Variants in C2orf92 observed in about 807,000 individuals in gnomAD.
C2orf92 encodes uncharacterized protein C2orf92.
chr2:97,670,182 A>C (rs983699858), intron 1 of C2orf92: 1 of 176,992 alleles, frequency 5.6e-6, no homozygotes, highest in South Asian at 2.0e-4. Flanking sequence ...ATCTATATAT[A>C]TGCACTATTT....
chr2:97,683,949 C>T (rs1675866530), intron 3 of C2orf92, among the ~76,000 whole-genome samples: 1 of 151,782 alleles, frequency 6.6e-6, no homozygotes, highest in Non-Finnish European at 1.5e-5. Context: ...ACTGCAAGCT[C>T]CGCCTCCTGG....
rs567208278 is a variant in C2orf92, at chr2:97,673,447, A to G, written c.47-1009A>G. ...GCTGTTTCCAGGTGTCTTGCATGTCACACACTGGCCTACCAGGGCTGGAGT... is the reference window on the plus strand; with the variant it reads ...GCTGTTTCCAGGTGTCTTGCATGTCGCACACTGGCCTACCAGGGCTGGAGT... On this transcript the variant is annotated intron_variant, in intron 1 of 7. Transcript: ENST00000627399. Among the ~76,000 whole-genome samples, 5 of 152,252 alleles carry G rather than the reference A, an allele frequency of 3.3e-5. No individual in the cohort carries two copies. The East Asian group carries it at 9.6e-4, about 29-fold the overall frequency.
At chr2:97,669,485 C>CT (rs1038928895), upstream of C2orf92, 1 of 273,060 alleles carries the variant, frequency 3.7e-6, no homozygotes, top group Non-Finnish European at 6.8e-6. Context: ...AGTTTTATCA[C>CT]TTGTGACTTC....
intron 1 of C2orf92, chr2:97,671,857 C>T (rs934646304): frequency 4.9e-5 from 10 of 205,340 alleles, no homozygotes; most frequent in East Asian, 1.0e-4. Context: ...AGCATGAAAA[C>T]CCCTGGGGCA....
chr2:97,695,736 C>CTTTCTTTTCTTTTCTTTTCT (rs372334285), intron 5 of C2orf92, among the ~76,000 whole-genome samples: 24 of 151,398 alleles, frequency 1.6e-4, no homozygotes, highest in African/African-American at 5.1e-4. Flanking sequence ...CTTTTATTTT[C>CTTTCTTTTCTTTTCTTTTCT]TTTCTTTTCT....
At chr2:97,665,109 G>A (rs1675163813), upstream of C2orf92, among the ~76,000 whole-genome samples, 1 of 152,180 alleles carries the variant, frequency 6.6e-6, no homozygotes, top group Non-Finnish European at 1.5e-5. Flanking sequence ...AAGATTATTG[G>A]GTGTGGAATT....
intron 3 of C2orf92, among the ~76,000 whole-genome samples, chr2:97,683,547 A>AG (rs1376058951): frequency 6.6e-6 from 1 of 151,802 alleles, no homozygotes; most frequent in Admixed American, 6.6e-5. Context: ...TTAAAAAAAA[A>AG]AAAAAAAGAT....
chr2:97,669,979 G>T lies in C2orf92; in HGVS notation c.46+145G>T, dbSNP rs143724421. On this transcript the variant is annotated intron_variant, in intron 1 of 7. Transcript: ENST00000627399. ...ATACCTCCCCAAATCTGCCATTCAG[G>T]GTTTATTACTTGGGGGAAGGGAGTA... 1.0e-4 allele frequency: 41 copies of T among 396,376 alleles called. 1 individual carries two copies. In the East Asian group the frequency reaches 1.5e-3, roughly 14 times the overall value. 24.6% of individuals were successfully genotyped at this position (396,376 alleles called of 1,614,324 possible). A position where few individuals can be genotyped will look rare whatever the true frequency, so the allele number is the denominator to read the frequency against.
intron 5 of C2orf92, among the ~76,000 whole-genome samples, chr2:97,698,616 G>C (rs993657037): frequency 6.6e-6 from 1 of 152,168 alleles, no homozygotes; most frequent in Admixed American, 6.5e-5. Flanking sequence ...CTGGGGCTTA[G>C]AGAGGTTCTC....
chr2:97,665,283 C>T (rs1362059412), upstream of C2orf92, among the ~76,000 whole-genome samples: 1 of 152,088 alleles, frequency 6.6e-6, no homozygotes, highest in Non-Finnish European at 1.5e-5. Flanking sequence ...AGCGGGTGTG[C>T]AGAAATCACA....
intron 3 of C2orf92, among the ~76,000 whole-genome samples, chr2:97,683,058 T>C (rs900321279): frequency 6.1e-5 from 9 of 147,584 alleles, no homozygotes; most frequent in Non-Finnish European, 1.3e-4. Context: ...ATCTTATATG[T>C]TGAAAACCAT....
At chr2:97,694,011 A>C (rs1223527152) in intron 5 of C2orf92, among the ~76,000 whole-genome samples, 23 of 152,156 alleles carry the variant, frequency 1.5e-4, no homozygotes. Flanking sequence ...ATTCATCTCC[A>C]GAACTCTTTT....
At chr2:97,674,626 G>A (rs1675516844) in intron 2 of C2orf92, 69 bp downstream of exon 2, 1 of 397,846 alleles carries the variant, frequency 2.5e-6, no homozygotes, top group East Asian at 3.6e-5. Context: ...TCAAATATGC[G>A]ATGCTAGCAT....
rs148322590 is a variant in C2orf92 at position 97,700,629 on chromosome 2, C to T, written c.515-525C>T. The stretch of plus-strand genomic sequence containing the variant: ...ACCCCCCAAAATCATCCCATCTTAT[C>T]GCCAAATAGCAGATGAATGCATATG... On this transcript the variant is annotated intron_variant, in intron 6 of 7. Coordinates refer to ENST00000627399, the MANE Select transcript of C2orf92 (RefSeq NM_001351368.2). Among the ~76,000 whole-genome samples, 29 of 152,248 alleles carry T rather than the reference C, an allele frequency of 1.9e-4. No individual in the cohort carries two copies. The East Asian group carries it at 5.6e-3, about 29-fold the overall frequency.
upstream of C2orf92, among the ~76,000 whole-genome samples, chr2:97,666,492 G>A (rs546726158): frequency 2.1e-5 from 3 of 144,010 alleles, no homozygotes; most frequent in African/African-American, 5.2e-5. Context: ...AGCCGAGATC[G>A]CGCCACCAGC....
chr2:97,669,956 A>T (rs898542021), intron 1 of C2orf92, 122 bp downstream of exon 1: 1 of 396,260 alleles, frequency 2.5e-6, no homozygotes, highest in Non-Finnish European at 4.4e-6. Context: ...TACCTTCTAT[A>T]CCTCCCCAAA....
chr2:97,696,585 T>C (rs1295747762), intron 5 of C2orf92, among the ~76,000 whole-genome samples: 1 of 151,662 alleles, frequency 6.6e-6, no homozygotes, highest in Non-Finnish European at 1.5e-5. Context: ...AAAATACAAA[T>C]ATTAGCTGGG....
intron 5 of C2orf92, among the ~76,000 whole-genome samples, chr2:97,690,752 G>C (rs1262255610): frequency 1.3e-5 from 2 of 148,814 alleles, no homozygotes; most frequent in South Asian, 2.1e-4. Flanking sequence ...CTCTCTTGTA[G>C]AGAGTACAAG....
upstream of C2orf92, chr2:97,668,748 G>C (rs1405436141): frequency 6.6e-6 from 1 of 152,258 alleles, no homozygotes; most frequent in East Asian, 1.9e-4. Context: ...CCACCTCCCA[G>C]GTGCAAGTGA....
Sources: allele counts gnomAD v4.1 joint callset (sites outside exome capture counted in the v4.1 genomes callset), GRCh38; gene constraint gnomAD v4.1.1; transcripts MANE v1.5; gene names NCBI Gene and HGNC (gene_info 2026-07-23, HGNC 2026-07-21).